Variants in MAPT observed in about 807,000 individuals in gnomAD.
The protein encoded by MAPT is microtubule associated protein tau.
Under a neutral mutation model 67.9 loss-of-function variants are expected in MAPT, and 34 were observed. That is an observed-to-expected ratio of 0.50 (90% CI 0.38 to 0.67). MAPT has a LOEUF of 0.67. MAPT is among the 30% of genes least tolerant of loss of function. The probability of loss-of-function intolerance (pLI) is 0.00; values close to 1 mark genes in which losing one functional copy is unlikely to be tolerated. For synonymous variants in MAPT, 456 were observed against 464.5 expected (o/e 0.98, Z 0.23); for missense variants, 881 against 1,115.2 (o/e 0.79, Z 2.99).
chr17:45,949,518 A>T (rs2068849814), intron 1 of MAPT, among the ~76,000 whole-genome samples: 1 of 152,182 alleles, frequency 6.6e-6, no homozygotes, highest in Admixed American at 6.5e-5. Flanking sequence ...AAAATATCAG[A>T]ATTCAAGCCT....
chr17:45,923,341 T>C (rs2065941171), intron 1 of MAPT, among the ~76,000 whole-genome samples: 1 of 151,998 alleles, frequency 6.6e-6, no homozygotes, highest in African/African-American at 2.4e-5. Context: ...CTGGATAAAG[T>C]TTTGGGGATC....
intron 1 of MAPT, among the ~76,000 whole-genome samples, chr17:45,928,102 C>G (rs2144621972): frequency 6.6e-6 from 1 of 152,052 alleles, no homozygotes; most frequent in East Asian, 1.9e-4. Flanking sequence ...GGACTCAGCC[C>G]CGATCTTTCT....
At chr17:45,947,648 A>G (rs1426972662) in intron 1 of MAPT, among the ~76,000 whole-genome samples, 4 of 151,726 alleles carry the variant, frequency 2.6e-5, no homozygotes, top group African/African-American at 9.7e-5. Context: ...TCGGCCTCCC[A>G]GTGTGCTGGG....
intron 1 of MAPT, among the ~76,000 whole-genome samples, chr17:45,946,615 A>AAAAAAAAAAAAAAATATATATATAT: frequency 1.8e-4 from 18 of 100,378 alleles, no homozygotes; most frequent in Admixed American, 3.4e-4. Context: ...AAAAAAAAAA[A>AAAAAAAAAAAAAAATATATATATAT]ATATATATAT....
intron 2 of MAPT, among the ~76,000 whole-genome samples, chr17:45,964,627 T>A (rs542230186): frequency 2.3e-3 from 342 of 151,872 alleles, no homozygotes; most frequent in African/African-American, 7.6e-3. Context: ...GAGGTTGCCG[T>A]GAGCCAAGAT....
chr17:46,002,228 A>C (rs774556064), intron 9 of MAPT, among the ~76,000 whole-genome samples: 1 of 152,170 alleles, frequency 6.6e-6, no homozygotes, highest in Non-Finnish European at 1.5e-5. Flanking sequence ...GGCTCAGTTC[A>C]GCTGGCAGTG....
At chr17:45,970,812 A>C (rs2071584754) in intron 2 of MAPT, among the ~76,000 whole-genome samples, 1 of 152,184 alleles carries the variant, frequency 6.6e-6, no homozygotes. Context: ...GGGCATCTCC[A>C]GGAGGACCCT....
rs147015235 is a variant in MAPT at position 45,915,756 on chromosome 17, G to A, written c.-18+21070G>A. ...AAGTATCTACTCCTTGTCATAGTCT[G>A]TGACAACCCAGACTAGCCCATGAGC... On this transcript the variant is annotated intron_variant, in intron 1 of 12. Coordinates refer to ENST00000262410, the MANE Select transcript of MAPT (RefSeq NM_001377265.1). This position sits in a 1 kb window ranked among gnomAD's most constrained non-coding sequence, Gnocchi z 4.4. Among the ~76,000 whole-genome samples the A allele has an allele frequency of 5.6e-4, 85 of 152,228 alleles. 1 individual carries two copies. The highest frequency in any genetic ancestry group is 1.7e-3 in the African/African-American group (72 of 41,536).
Position 45,991,558 on chromosome 17 carries a change from G to A in MAPT, c.1704G>A (p.Pro568=), listed in dbSNP as rs1052551. Reference sequence around the variant, plus strand: ...CCACCAGGATTCCAGCAAAAACCCCGCCCGCTCCAAAGACACCACCCAGCT... The same window carrying A: ...CCACCAGGATTCCAGCAAAAACCCCACCCGCTCCAAAGACACCACCCAGCT... ...ANATRIPAKT[P]PAPKTPPSSG... is the part of the protein sequence containing the mutation. Residue 568 remains proline (P), a synonymous_variant, in exon 8 of 13, where the codon CCG becomes CCA. Transcript: ENST00000262410. The A allele has an allele frequency of 0.19, 304,235 of 1,613,892 alleles. 32,763 individuals carry two copies. Among genetic ancestry groups the A allele is most frequent in the Non-Finnish European group, 0.22 (261,348 of 1,179,860 alleles).
At position 45,991,453 on chromosome 17, in the gene MAPT, T is replaced by G; in HGVS notation, c.1606-7T>G. On this transcript the variant is annotated splice_polypyrimidine_tract_variant and splice_region_variant and intron_variant, in intron 7 of 12. Coordinates refer to ENST00000262410, the MANE Select transcript of MAPT (RefSeq NM_001377265.1). ...TGAAAAACCCCTCTATCATGTTTCA[T>G]TTACAGGGGGCTGATGGTAAAACGA... is the stretch of plus-strand genomic sequence containing the variant. 6.2e-7 allele frequency: 1 copy of G among 1,614,168 alleles called. No homozygotes were observed. Among genetic ancestry groups the G allele is most frequent in the Non-Finnish European group, 8.5e-7 (1 of 1,180,030 alleles).
At chr17:46,022,828 G>A (rs571984013) in intron 12 of MAPT, among the ~76,000 whole-genome samples, 2 of 152,324 alleles carry the variant, frequency 1.3e-5, no homozygotes, top group African/African-American at 4.8e-5. Flanking sequence ...TGCTCTGGAG[G>A]TTAAGGTGGG....
chr17:45,942,109 G>T (rs1003102650), intron 1 of MAPT, among the ~76,000 whole-genome samples: 8 of 152,066 alleles, frequency 5.3e-5, no homozygotes, highest in Non-Finnish European at 1.0e-4. Context: ...CAAAAATGTA[G>T]ACACTAATAA....
In MAPT at chr17:45,995,661, G is replaced by A. The variant is rs17652036; in HGVS notation, c.1733-738G>A. Among the ~76,000 whole-genome samples the A allele has an allele frequency of 0.14, 22,054 of 152,222 alleles. 2,144 individuals carry two copies. Among genetic ancestry groups the A allele is most frequent in the Non-Finnish European group, 0.22 (14,739 of 67,978 alleles). On this transcript the variant is annotated intron_variant, in intron 8 of 12. Coordinates refer to ENST00000262410, the MANE Select transcript of MAPT (RefSeq NM_001377265.1). The surrounding 1 kb of genome is among the most constrained non-coding windows in gnomAD (Gnocchi z 4.3). ...TCCAGGGTGTTGGAAGGGTGCGCTA[G>A]TAACTGCTATGCATGGCAGGTGGGG...
At chr17:45,948,188 T>G (rs1176707966) in intron 1 of MAPT, among the ~76,000 whole-genome samples, 1 of 152,130 alleles carries the variant, frequency 6.6e-6, no homozygotes, top group Non-Finnish European at 1.5e-5. Context: ...GTACTTTTGG[T>G]AGAGACAGGG....
At chr17:45,979,819 C>G (rs1224835578) in intron 4 of MAPT, 1 of 152,102 alleles carries the variant, frequency 6.6e-6, no homozygotes, top group Admixed American at 6.6e-5. Context: ...TCTACATGCC[C>G]CCAGAACATA....
intron 9 of MAPT, chr17:45,999,377 A>G (rs1307578059): frequency 6.2e-7 from 1 of 1,614,042 alleles, no homozygotes; most frequent in East Asian, 2.2e-5. Context: ...AATTTAACTC[A>G]GCCTCTGTGT....
chr17:45,903,895 TA>T lies in MAPT; in HGVS notation c.-18+9210del, dbSNP rs1188606696. Among the ~76,000 whole-genome samples the T allele has an allele frequency of 1.5e-4, 5 of 33,170 alleles. No homozygotes were observed. The East Asian group carries it at 2.1e-3, about 14-fold the overall frequency. The allele number at this position is 33,170 out of a possible 152,430, so 21.8% of individuals were successfully genotyped here. On this transcript the variant is annotated intron_variant, in intron 1 of 12. Coordinates refer to ENST00000262410, the MANE Select transcript of MAPT (RefSeq NM_001377265.1). ...ATTATATATTTATATATTTATATAT[TA>T]TATATATTTATATATTATATATTTA...
At chr17:45,968,899 A>G (rs2071360330) in intron 2 of MAPT, among the ~76,000 whole-genome samples, 1 of 152,220 alleles carries the variant, frequency 6.6e-6, no homozygotes, top group Non-Finnish European at 1.5e-5. Context: ...TCATGCTGAC[A>G]GAAGCCCTGT....
chr17:45,936,179 C>T (rs1453260428), intron 1 of MAPT, among the ~76,000 whole-genome samples: 3 of 152,200 alleles, frequency 2.0e-5, no homozygotes, highest in Non-Finnish European at 4.4e-5. Context: ...CTGGCCAGAC[C>T]GAATATATCC....
Sources: allele counts gnomAD v4.1 joint callset (sites outside exome capture counted in the v4.1 genomes callset), GRCh38; gene constraint gnomAD v4.1.1; non-coding constraint Gnocchi (gnomAD v3.1); transcripts MANE v1.5; gene names NCBI Gene and HGNC (gene_info 2026-07-23, HGNC 2026-07-21).